KCNJ12: variants seen among roughly 807,000 people sequenced by gnomAD.
The protein encoded by KCNJ12 is ATP-sensitive inward rectifier potassium channel 12.
Under a neutral mutation model 22.3 loss-of-function variants are expected in KCNJ12, and 2 were observed. The ratio of observed to expected loss-of-function variants is 0.09; its 90% CI spans 0.04 to 0.28. KCNJ12 has a LOEUF of 0.28. Among genes scored for constraint, KCNJ12 ranks in the 10% least tolerant of loss-of-function variants. KCNJ12 has a pLI of 1.00. For synonymous variants in KCNJ12, 117 were observed against 261.4 expected, an observed-to-expected ratio of 0.45 and a Z score of 5.33; for missense variants, 155 against 633.3, an observed-to-expected ratio of 0.24 and a Z score of 8.11.
chr17:21,406,742 T>A (rs1450161033), intron 1 of KCNJ12, among the ~76,000 whole-genome samples: 1 of 152,306 alleles, frequency 6.6e-6, no homozygotes, highest in Non-Finnish European at 1.5e-5. Context: ...GAGGTGGGGG[T>A]GACTTACCAA....
Position 21,415,607 on chromosome 17 carries a change from C to T in KCNJ12, c.265C>T (p.Leu89=). 1 of 1,614,084 alleles carries T rather than the reference C, an allele frequency of 6.2e-7. No individual in the cohort carries two copies. The highest frequency in any genetic ancestry group is 8.5e-7 in the Non-Finnish European group (1 of 1,180,010). Residue 89 remains leucine, a synonymous_variant, in exon 3 of 3, where the codon CTG becomes TTG. Transcript: ENST00000583088. The part of the protein sequence containing the change: ...RWRYMLLIFS[L]AFLASWLLFG... ...GCGGTACATGCTGCTCATCTTCTCG[C>T]TGGCCTTCCTTGCCTCCTGGCTGCT...
intron 1 of KCNJ12, among the ~76,000 whole-genome samples, chr17:21,378,748 C>T (rs782585996): frequency 1.8e-4 from 28 of 152,092 alleles, no homozygotes; most frequent in Non-Finnish European, 7.4e-5. Context: ...GCATGGCTGA[C>T]ACCCCTCATC....
Position 21,418,027 on chromosome 17 carries a change from C to G in KCNJ12, c.*1383C>G, listed in dbSNP as rs139975461. On this transcript the variant is annotated 3_prime_UTR_variant, in exon 3 of 3. Coordinates refer to ENST00000583088, the MANE Select transcript of KCNJ12 (RefSeq NM_021012.5). Reference sequence around the variant, plus strand: ...ACCAGCCGTGGAACAGAATTCCTGCCGAGTCTTCCAGGGCCGCTCCTCCAC... The same window carrying G: ...ACCAGCCGTGGAACAGAATTCCTGCGGAGTCTTCCAGGGCCGCTCCTCCAC... 6.0e-6 allele frequency: 1 copy of G among 167,096 alleles called. No individual in the cohort carries two copies. The highest frequency in any genetic ancestry group is 2.4e-5 in the African/African-American group (1 of 41,404). The allele number at this position is 167,096 out of a possible 1,614,324, so 10.4% of individuals were successfully genotyped here.
chr17:21,400,330 T>C (rs78615108), intron 1 of KCNJ12, among the ~76,000 whole-genome samples: 4 of 152,312 alleles, frequency 2.6e-5, no homozygotes, highest in East Asian at 1.9e-4. Flanking sequence ...TGTCCTGGGC[T>C]GGGGACTCTG....
intron 1 of KCNJ12, among the ~76,000 whole-genome samples, chr17:21,408,017 CCATCCACCCATT>C (rs1478039232): frequency 6.6e-6 from 1 of 152,264 alleles, no homozygotes; most frequent in East Asian, 1.9e-4. Flanking sequence ...ATCCATCCAT[CCATCCACCCATT>C]CATTCATCCA....
intron 1 of KCNJ12, among the ~76,000 whole-genome samples, chr17:21,394,156 G>T (rs782415632): frequency 1.3e-5 from 2 of 152,224 alleles, no homozygotes; most frequent in Non-Finnish European, 2.9e-5. Context: ...CAGTGATGGA[G>T]GGTGTGTATG....
chr17:21,393,444 G>A (rs578033336), intron 1 of KCNJ12, among the ~76,000 whole-genome samples: 1 of 151,824 alleles, frequency 6.6e-6, no homozygotes, highest in Non-Finnish European at 1.5e-5. Flanking sequence ...TGGCTTCTGC[G>A]TGCGCCCTCC....
intron 1 of KCNJ12, among the ~76,000 whole-genome samples, chr17:21,391,198 T>C (rs1905201373): frequency 6.6e-6 from 1 of 152,216 alleles, no homozygotes; most frequent in African/African-American, 2.4e-5. Context: ...TGCCTGCCCG[T>C]TTGTCATGGC....
intron 1 of KCNJ12, among the ~76,000 whole-genome samples, chr17:21,383,928 A>G (rs562391907): frequency 6.6e-6 from 1 of 152,264 alleles, no homozygotes; most frequent in South Asian, 2.1e-4. Context: ...GTTTTTAATT[A>G]TAAGAGTGTT....
intron 1 of KCNJ12, among the ~76,000 whole-genome samples, chr17:21,395,293 G>GAAAAAAAAAAAAAAAAAAAAAAAA (rs1161884090): frequency 1.8e-5 from 1 of 55,658 alleles, no homozygotes; most frequent in Admixed American, 2.2e-4. Context: ...AGATCCTAAA[G>GAAAAAAAAAAAAAAAAAAAAAAAA]AAAAAAAAAA....
chr17:21,379,939 A>G (rs563946969), intron 1 of KCNJ12, among the ~76,000 whole-genome samples: 1 of 152,234 alleles, frequency 6.6e-6, no homozygotes, highest in African/African-American at 2.4e-5. Flanking sequence ...AGAGGGTGGC[A>G]TTAGCTCTAT....
chr17:21,407,284 A>G (rs1372967560), intron 1 of KCNJ12, among the ~76,000 whole-genome samples: 11 of 149,074 alleles, frequency 7.4e-5, no homozygotes, highest in Non-Finnish European at 1.6e-4. Flanking sequence ...ACCCACCCAT[A>G]CACTCATCCA....
Position 21,415,273 on chromosome 17 carries a change from C to T in KCNJ12, c.-56-14C>T, listed in dbSNP as rs1351676732. 2.0e-5 allele frequency: 31 copies of T among 1,554,156 alleles called. No individual in the cohort carries two copies. The highest frequency in any genetic ancestry group is 6.8e-5 in the African/African-American group (5 of 73,562). ...CCACCAGCCCAGCCAGACATGCTGT[C>T]GTCTCTGTTGCAGGAGCCGCCCTGC... On this transcript the variant is annotated splice_polypyrimidine_tract_variant and intron_variant, in intron 2 of 2. Transcript: ENST00000583088.
At chr17:21,386,397 C>T (rs531103002) in intron 1 of KCNJ12, among the ~76,000 whole-genome samples, 9 of 152,348 alleles carry the variant, frequency 5.9e-5, no homozygotes, top group African/African-American at 2.2e-4. Flanking sequence ...TCACTGCAAC[C>T]TGGAACTCAC....
intron 1 of KCNJ12, among the ~76,000 whole-genome samples, chr17:21,397,167 A>C (rs963304054): frequency 2.6e-5 from 4 of 152,166 alleles, no homozygotes; most frequent in African/African-American, 7.2e-5. Context: ...GGCCTTGGGT[A>C]AGAAACTTCA....
Position 21,417,600 on chromosome 17 carries a change from A to T in KCNJ12, c.*956A>T, listed in dbSNP as rs1178397934. 1 of 167,468 alleles carries T rather than the reference A, an allele frequency of 6.0e-6. No individual in the cohort carries two copies. Among genetic ancestry groups the T allele is most frequent in the Non-Finnish European group, 1.5e-5 (1 of 68,412 alleles). The allele number at this position is 167,468 out of a possible 1,614,324, so 10.4% of individuals were successfully genotyped here. The stretch of plus-strand genomic sequence containing the variant: ...GCCGGGATGGCTCCTTGGGAAGGGA[A>T]GTCGGGATCCCAGGCTAGGAGGAAG... On this transcript the variant is annotated 3_prime_UTR_variant, in exon 3 of 3. Transcript: ENST00000583088.
intron 1 of KCNJ12, among the ~76,000 whole-genome samples, chr17:21,381,733 C>A (rs766496506): frequency 6.6e-6 from 1 of 152,198 alleles, no homozygotes; most frequent in Non-Finnish European, 1.5e-5. Flanking sequence ...CTCTGTAGAA[C>A]TTAATGCTAT....
chr17:21,407,590 C>CCCAT (rs1220286894), intron 1 of KCNJ12, among the ~76,000 whole-genome samples: 4 of 134,380 alleles, frequency 3.0e-5, no homozygotes, highest in South Asian at 5.2e-4. Flanking sequence ...CATCCATCCA[C>CCCAT]CCATCCATCC....
intron 2 of KCNJ12, among the ~76,000 whole-genome samples, chr17:21,410,301 C>G (rs1221636727): frequency 3.9e-5 from 6 of 152,280 alleles, no homozygotes; most frequent in South Asian, 2.1e-4. Context: ...GAGCCTCAGT[C>G]TCCCCATCTG....
Sources: allele counts gnomAD v4.1 joint callset (sites outside exome capture counted in the v4.1 genomes callset), GRCh38; gene constraint gnomAD v4.1.1; transcripts MANE v1.5; gene names NCBI Gene and HGNC (gene_info 2026-07-23, HGNC 2026-07-21).